Variants in GPM6A observed in about 807,000 individuals in gnomAD.
GPM6A encodes neuronal membrane glycoprotein M6-a.
A neutral mutation model predicts 32.1 loss-of-function variants in GPM6A; 7 were observed. That is an observed-to-expected ratio of 0.22 (90% CI 0.12 to 0.41). The LOEUF (loss-of-function observed/expected upper bound fraction) is 0.41, where lower values mean the gene tolerates loss of function less well. Among genes scored for constraint, GPM6A ranks in the 10% least tolerant of loss-of-function variants. GPM6A has a pLI of 1.00. For missense variants in GPM6A, 235 were observed against 347.2 expected, an observed-to-expected ratio of 0.68 and a Z score of 2.57; for synonymous variants, 130 against 123.4, an observed-to-expected ratio of 1.05 and a Z score of -0.35.
intron 1 of GPM6A, among the ~76,000 whole-genome samples, chr4:175,938,791 T>A (rs961169187): frequency 6.6e-6 from 1 of 150,742 alleles, no homozygotes; most frequent in Non-Finnish European, 1.5e-5. Context: ...CCAAGTACCC[T>A]GGCTTTACTG....
chr4:175,804,382 G>GAAATGGAAGA (rs1318922931), intron 1 of GPM6A, among the ~76,000 whole-genome samples: 1 of 152,264 alleles, frequency 6.6e-6, no homozygotes, highest in African/African-American at 2.4e-5. Flanking sequence ...TCTTGGAACT[G>GAAATGGAAGA]AAATGGAAGA....
intron 1 of GPM6A, among the ~76,000 whole-genome samples, chr4:175,986,915 A>T (rs1296786268): frequency 6.6e-6 from 1 of 152,130 alleles, no homozygotes; most frequent in Non-Finnish European, 1.5e-5. Context: ...TTTCATTTCA[A>T]TATTTTATTC....
At chr4:175,738,376 C>A (rs1731748945) in intron 1 of GPM6A, among the ~76,000 whole-genome samples, 2 of 152,118 alleles carry the variant, frequency 1.3e-5, no homozygotes. Context: ...CAGAACTCTT[C>A]AGAAAATGTC....
intron 1 of GPM6A, among the ~76,000 whole-genome samples, chr4:175,786,146 TGC>T (rs1431029974): frequency 1.1e-4 from 16 of 152,118 alleles, no homozygotes; most frequent in Non-Finnish European, 2.1e-4. Context: ...AACTTAAAAG[TGC>T]TAGGTGTTTC....
At chr4:175,869,403 A>C (rs1440601242) in intron 1 of GPM6A, among the ~76,000 whole-genome samples, 1 of 152,184 alleles carries the variant, frequency 6.6e-6, no homozygotes. Flanking sequence ...AAGGGAGCAC[A>C]TATACCCAGG....
chr4:175,907,480 G>A (rs1449519870), intron 1 of GPM6A, among the ~76,000 whole-genome samples: 1 of 152,072 alleles, frequency 6.6e-6, no homozygotes, highest in Non-Finnish European at 1.5e-5. Context: ...CAATATTCAT[G>A]CACAGTCAGT....
intron 6 of GPM6A, among the ~76,000 whole-genome samples, chr4:175,637,312 A>T (rs575980773): frequency 0.2 from 4,521 of 22,224 alleles, 496 homozygotes; most frequent in African/African-American, 0.37. Flanking sequence ...TATTATATAT[A>T]ATATAAAATA....
intron 1 of GPM6A, among the ~76,000 whole-genome samples, chr4:175,743,474 A>C (rs1579449993): frequency 6.6e-6 from 1 of 152,224 alleles, no homozygotes; most frequent in East Asian, 1.9e-4. Context: ...AAGAAGAAAA[A>C]AATGAATGAA....
intron 1 of GPM6A, among the ~76,000 whole-genome samples, chr4:175,965,214 TA>T: frequency 6.6e-6 from 1 of 152,054 alleles, no homozygotes; most frequent in Middle Eastern, 3.2e-3. Flanking sequence ...GCAAACAAAG[TA>T]TGCTCTCAGA....
chr4:175,983,337 T>G (rs1479507789), intron 1 of GPM6A, among the ~76,000 whole-genome samples: 1 of 152,200 alleles, frequency 6.6e-6, no homozygotes, highest in African/African-American at 2.4e-5. Flanking sequence ...TTCTCATGCT[T>G]CTTTGGAGCT....
chr4:175,651,987 A>T lies in GPM6A; in HGVS notation c.388T>A (p.Phe130Ile). ...TTCGRCVSAW[F>I]IMLTYLFMLA... ...ATGAAAAGATATGTCAGCATAATGA[A>T]CTGCAAAAGAGAAAGAAATGGAGAG... The change falls in exon 4 of 7, where the codon TTC (phenylalanine) becomes ATC (isoleucine). Residue 130 changes from phenylalanine (F) to isoleucine (I), a missense_variant and splice_region_variant. Physicochemically the swap from Phe to Ile is conservative, Grantham distance 21. Transcript: ENST00000393658. The T allele has an allele frequency of 6.2e-7, 1 of 1,602,258 alleles. No individual in the cohort carries two copies. Among genetic ancestry groups the T allele is most frequent in the East Asian group, 2.2e-5 (1 of 44,790 alleles).
At chr4:175,790,206 T>A (rs565614363) in intron 1 of GPM6A, 7 of 152,298 alleles carry the variant, frequency 4.6e-5, no homozygotes, top group African/African-American at 1.4e-4. Flanking sequence ...CCCATCTAGT[T>A]AACAGCTTCT....
chr4:175,915,664 T>C (rs1411530277), intron 1 of GPM6A, among the ~76,000 whole-genome samples: 13 of 152,050 alleles, frequency 8.5e-5, no homozygotes, highest in Admixed American at 8.5e-4. Flanking sequence ...TCAACAAAAA[T>C]ATAAGGAGCT....
chr4:175,948,315 C>T (rs1449076930), intron 1 of GPM6A, among the ~76,000 whole-genome samples: 4 of 152,118 alleles, frequency 2.6e-5, no homozygotes, highest in Admixed American at 2.6e-4. Flanking sequence ...GAATTAGTTT[C>T]CATAAGAAAA....
At chr4:175,909,042 C>CCGG (rs144415625) in intron 1 of GPM6A, among the ~76,000 whole-genome samples, 1 of 56,666 alleles carries the variant, frequency 1.8e-5, no homozygotes, top group African/African-American at 7.1e-5. Context: ...AAAAAAAGGG[C>CCGG]GGGGGGGGGG....
intron 1 of GPM6A, among the ~76,000 whole-genome samples, chr4:176,001,253 A>G (rs1198877432): frequency 1.3e-5 from 2 of 151,400 alleles, no homozygotes; most frequent in Non-Finnish European, 3.0e-5. Context: ...GACAAGGGAG[A>G]AGCAAGGGGG....
At chr4:175,664,111 T>C (rs1239852682) in intron 3 of GPM6A, among the ~76,000 whole-genome samples, 1 of 152,184 alleles carries the variant, frequency 6.6e-6, no homozygotes, top group Non-Finnish European at 1.5e-5. Flanking sequence ...ATATACTACA[T>C]GATTCCAACT....
chr4:175,815,970 G>T (rs1735087597), upstream of GPM6A, among the ~76,000 whole-genome samples: 1 of 152,042 alleles, frequency 6.6e-6, no homozygotes, highest in Admixed American at 6.5e-5. Flanking sequence ...GCCTACCTCG[G>T]CCTCCCAAAG....
At chr4:175,974,104 A>T (rs1740588201) in intron 1 of GPM6A, among the ~76,000 whole-genome samples, 1 of 151,950 alleles carries the variant, frequency 6.6e-6, no homozygotes, top group South Asian at 2.1e-4. Context: ...GTGGTGGCGC[A>T]CACCTGTAAT....
Sources: allele counts gnomAD v4.1 joint callset (sites outside exome capture counted in the v4.1 genomes callset), GRCh38; gene constraint gnomAD v4.1.1; transcripts MANE v1.5; gene names NCBI Gene and HGNC (gene_info 2026-07-23, HGNC 2026-07-21).